Variants in ETFA observed in about 807,000 individuals in gnomAD.
ETFA encodes the protein electron transfer flavoprotein subunit alpha.
Under a neutral mutation model 46.2 loss-of-function variants are expected in ETFA, and 22 were observed. The ratio of observed to expected loss-of-function variants is 0.48; its 90% confidence interval spans 0.34 to 0.68. ETFA has a LOEUF of 0.68. Ranked by LOEUF, ETFA falls within the 30% of genes least tolerant of loss-of-function variation. ETFA has a pLI of 0.01. For synonymous variants in ETFA, 131 were observed against 139.9 expected, an observed-to-expected ratio of 0.94 and a Z score of 0.45; for missense variants, 345 against 401.1, an observed-to-expected ratio of 0.86 and a Z score of 1.19.
intron 9 of ETFA, 61 bp from the exon 10 acceptor site, chr15:76,231,459 G>A (rs1417754016): frequency 7.3e-6 from 8 of 1,094,040 alleles, no homozygotes; most frequent in Non-Finnish European, 6.6e-6. Context: ...TTTCCAAAGT[G>A]TTTGCTGTTA....
intron 9 of ETFA, among the ~76,000 whole-genome samples, chr15:76,240,523 A>T (rs1234606970): frequency 6.6e-6 from 1 of 152,210 alleles, no homozygotes; most frequent in East Asian, 1.9e-4. Context: ...TTTGTTCAAA[A>T]TGTAAATTTA....
intron 9 of ETFA, among the ~76,000 whole-genome samples, chr15:76,268,365 C>T (rs1198410327): frequency 6.6e-6 from 1 of 152,032 alleles, no homozygotes; most frequent in Non-Finnish European, 1.5e-5. Flanking sequence ...GACCGGGTTC[C>T]CCCAGTACAA....
intron 1 of ETFA, chr15:76,309,907 T>C (rs990564325): frequency 2.0e-5 from 3 of 152,204 alleles, no homozygotes; most frequent in African/African-American, 7.3e-5. Flanking sequence ...GGGTCAGAAC[T>C]TTTTATTAAA....
intron 9 of ETFA, chr15:76,259,179 G>C: frequency 6.6e-7 from 1 of 1,517,454 alleles, no homozygotes; most frequent in Admixed American, 1.7e-5. Flanking sequence ...TCCACTGTAG[G>C]GCTGATCCCC....
intron 8 of ETFA, among the ~76,000 whole-genome samples, chr15:76,283,452 A>G (rs2039674458): frequency 6.6e-6 from 1 of 152,190 alleles, no homozygotes; most frequent in Admixed American, 6.5e-5. Context: ...TCAGCAACCT[A>G]AAGTGCTAGG....
At chr15:76,285,033 A>T (rs1251043249) in intron 7 of ETFA, 1 of 257,712 alleles carries the variant, frequency 3.9e-6, no homozygotes, top group Non-Finnish European at 7.8e-6. Flanking sequence ...CTGAAAGCTT[A>T]TTTTGTTGGA....
Position 76,286,440 on chromosome 15 carries a change from C to T in ETFA, c.493G>A (p.Val165Met). 3.1e-6 allele frequency: 5 copies of T among 1,613,642 alleles called. No homozygotes were observed. Among genetic ancestry groups the T allele is most frequent in the Non-Finnish European group, 4.2e-6 (5 of 1,179,568 alleles). Residue 165 changes from valine (V) to methionine (M), a missense_variant, in exon 6 of 12, where the codon GTG (valine) becomes ATG (methionine). Transcript: ENST00000557943. ...AAGGATGTTCCACGGACAGAAAACA[C>T]TTTCACTTTCTCATCACACTTCACT... ...CTVKCDEKVK[V>M]FSVRGTSFDA...
At chr15:76,247,958 C>A (rs779489617) in intron 9 of ETFA, among the ~76,000 whole-genome samples, 2 of 152,190 alleles carry the variant, frequency 1.3e-5, no homozygotes, top group Non-Finnish European at 2.9e-5. Context: ...GGTCTGAGTT[C>A]TCTGAAGCTT....
At chr15:76,255,913 T>G (rs981003630) in intron 9 of ETFA, among the ~76,000 whole-genome samples, 1 of 148,830 alleles carries the variant, frequency 6.7e-6, no homozygotes, top group Admixed American at 6.7e-5. Flanking sequence ...TTTTTGTTGT[T>G]TTTTTTTTTT....
At chr15:76,234,075 G>C (rs1051128613) in intron 9 of ETFA, among the ~76,000 whole-genome samples, 18 of 152,176 alleles carry the variant, frequency 1.2e-4, no homozygotes, top group African/African-American at 4.3e-4. Context: ...CAAACTGAAG[G>C]CAGTTGCTCC....
intron 9 of ETFA, among the ~76,000 whole-genome samples, chr15:76,236,317 G>A (rs923698627): frequency 6.6e-6 from 1 of 151,950 alleles, no homozygotes; most frequent in African/African-American, 2.4e-5. Context: ...ATTTTCTAGT[G>A]GCCACATTAA....
At chr15:76,272,222 CTTT>C (rs561675037) in intron 9 of ETFA, among the ~76,000 whole-genome samples, 4 of 137,282 alleles carry the variant, frequency 2.9e-5, no homozygotes, top group Admixed American at 7.3e-5. Flanking sequence ...TTCTTTCTTT[CTTT>C]TTTTTTTTTT....
chr15:76,274,303 CTG>C (rs934539906), intron 9 of ETFA, 107 bp downstream of exon 9: 5 of 865,954 alleles, frequency 5.8e-6, no homozygotes, highest in Non-Finnish European at 9.5e-6. Flanking sequence ...TACTGGCTAA[CTG>C]CTCAGGAACA....
intron 9 of ETFA, among the ~76,000 whole-genome samples, chr15:76,235,092 A>C (rs987478083): frequency 6.6e-6 from 1 of 152,184 alleles, no homozygotes; most frequent in Non-Finnish European, 1.5e-5. Context: ...TGGGCCATTC[A>C]TGTAACCTCT....
chr15:76,267,357 T>C (rs939668140), intron 9 of ETFA, among the ~76,000 whole-genome samples: 1 of 152,220 alleles, frequency 6.6e-6, no homozygotes, highest in Non-Finnish European at 1.5e-5. Flanking sequence ...CAAATCAGAT[T>C]ATAGTTTCAT....
intron 9 of ETFA, chr15:76,259,481 G>T: frequency 2.3e-6 from 2 of 865,954 alleles, no homozygotes; most frequent in Non-Finnish European, 4.0e-6. Context: ...TCCCGCCAAT[G>T]AGGTAGTTGT....
chr15:76,302,181 T>G (rs2039885810), intron 1 of ETFA, among the ~76,000 whole-genome samples: 1 of 152,212 alleles, frequency 6.6e-6, no homozygotes, highest in South Asian at 2.1e-4. Flanking sequence ...ACTGCACTCC[T>G]TTGTACGTAC....
At chr15:76,266,284 T>G (rs1185009958) in intron 9 of ETFA, among the ~76,000 whole-genome samples, 2 of 152,150 alleles carry the variant, frequency 1.3e-5, no homozygotes, top group Non-Finnish European at 2.9e-5. Flanking sequence ...TTGCTTTTAC[T>G]GTTCCCGCCA....
intron 9 of ETFA, chr15:76,274,163 A>T: frequency 2.0e-6 from 1 of 490,110 alleles, no homozygotes; most frequent in East Asian, 3.6e-5. Context: ...TTGATGTAAT[A>T]TGACTTAATT....
Sources: allele counts gnomAD v4.1 joint callset (sites outside exome capture counted in the v4.1 genomes callset), GRCh38; gene constraint gnomAD v4.1.1; transcripts MANE v1.5; gene names NCBI Gene and HGNC (gene_info 2026-07-23, HGNC 2026-07-21).